FSTL4: variants seen among roughly 807,000 people sequenced by gnomAD.
FSTL4 encodes follistatin like 4.
FSTL4 carries 28 observed loss-of-function variants against 78.2 expected under a neutral mutation model. The ratio of observed to expected loss-of-function variants is 0.36; its 90% CI spans 0.27 to 0.49. The LOEUF (loss-of-function observed/expected upper bound fraction) is 0.49, where lower values mean the gene tolerates loss of function less well. FSTL4 is among the 20% of genes least tolerant of loss of function. The pLI is 0.98. For missense variants in FSTL4, 922 were observed against 1,084.9 expected (o/e 0.85, Z 2.11); for synonymous variants, 422 against 440.5 (o/e 0.96, Z 0.53).
At chr5:133,612,748 G>C (rs140036060), upstream of FSTL4, among the ~76,000 whole-genome samples, 1 of 152,088 alleles carries the variant, frequency 6.6e-6, no homozygotes, top group Non-Finnish European at 1.5e-5. This position sits in a 1 kb window ranked among gnomAD's most constrained non-coding sequence, Gnocchi z 6.2. Flanking sequence ...CCAGCGTAGC[G>C]CTCCTGCCTC....
chr5:133,322,891 C>T lies in FSTL4; in HGVS notation c.410-6239G>A, dbSNP rs146046664. Among the ~76,000 whole-genome samples, 841 of 152,276 alleles carry T rather than the reference C, an allele frequency of 5.5e-3. 13 individuals are homozygous for T. Among genetic ancestry groups the T allele is most frequent in the African/African-American group, 0.02 (816 of 41,544 alleles). The stretch of plus-strand genomic sequence containing the variant: ...GGTTGACTGAGGGAAGCTGGATGGG[C>T]GGCTTTCAGCATCTGCTATGTCCCC... On this transcript the variant is annotated intron_variant, in intron 4 of 15. Transcript: ENST00000265342.
At chr5:133,797,921 G>A in the FSTL4 span, among the ~76,000 whole-genome samples, 3 of 152,126 alleles carry the variant, frequency 2.0e-5, no homozygotes, top group Admixed American at 2.0e-4. Flanking sequence ...AAACAACCTC[G>A]TGGCCCCAGA....
intron 2 of FSTL4, among the ~76,000 whole-genome samples, chr5:133,598,386 T>G (rs895757003): frequency 7.7e-6 from 1 of 129,962 alleles, no homozygotes; most frequent in East Asian, 2.2e-4. Context: ...CACAAGCACA[T>G]TGCATCTCAA....
the FSTL4 span, among the ~76,000 whole-genome samples, chr5:133,673,430 C>T: frequency 6.6e-6 from 1 of 152,170 alleles, no homozygotes; most frequent in African/African-American, 2.4e-5. Context: ...GGCTGTTGCT[C>T]ACTGCCGGAT....
At chr5:133,674,660 G>T in the FSTL4 span, among the ~76,000 whole-genome samples, 1 of 151,910 alleles carries the variant, frequency 6.6e-6, no homozygotes, top group African/African-American at 2.4e-5. Flanking sequence ...GCATGAGAGC[G>T]ACCTTTTTTG....
chr5:133,841,223 G>T, the FSTL4 span, among the ~76,000 whole-genome samples: 1 of 152,150 alleles, frequency 6.6e-6, no homozygotes, highest in East Asian at 1.9e-4. Flanking sequence ...AAGATCAACT[G>T]GCCTGGGAAA....
Position 133,225,078 on chromosome 5 carries a change from A to G in FSTL4, c.1312+72T>C. ...TGGTTGGCAGCTGTGGCCCTGGTCAATTGGTGCCCTCCCTTGCCACCCAAC... is the reference window on the plus strand; with the variant it reads ...TGGTTGGCAGCTGTGGCCCTGGTCAGTTGGTGCCCTCCCTTGCCACCCAAC... On this transcript the variant is annotated intron_variant, in intron 10 of 15. Coordinates refer to ENST00000265342, the MANE Select transcript of FSTL4 (RefSeq NM_015082.2). This position sits in a 1 kb window ranked among gnomAD's most constrained non-coding sequence, Gnocchi z 4.6. The G allele has an allele frequency of 2.5e-6, 4 of 1,570,154 alleles. No homozygotes were observed. The highest frequency in any genetic ancestry group is 3.5e-6 in the Non-Finnish European group (4 of 1,142,782).
rs974631483 is a variant in FSTL4, at chr5:133,531,566, C to T, written c.160+35620G>A. 7.2e-5 allele frequency among the ~76,000 whole-genome samples: 11 copies of T among 152,290 alleles called. No homozygotes were observed. The East Asian group carries it at 1.5e-3, about 21-fold the overall frequency. ...CTAAAAGAACATTTTTCTAAGCAGGCCTCTCAGCTCTGGGGAATGAACAGC... is the reference window on the plus strand; with the variant it reads ...CTAAAAGAACATTTTTCTAAGCAGGTCTCTCAGCTCTGGGGAATGAACAGC... On this transcript the variant is annotated intron_variant, in intron 3 of 15. Transcript: ENST00000265342.
chr5:133,834,238 T>C, the FSTL4 span, among the ~76,000 whole-genome samples: 1 of 152,178 alleles, frequency 6.6e-6, no homozygotes, highest in African/African-American at 2.4e-5. Context: ...ATGGTTTTTC[T>C]AGAGCAATAT....
intron 3 of FSTL4, among the ~76,000 whole-genome samples, chr5:133,472,358 T>C (rs974897456): frequency 1.3e-5 from 2 of 152,006 alleles, no homozygotes; most frequent in Non-Finnish European, 2.9e-5. Context: ...AAAGAGAAAG[T>C]GCAAGCCAAG....
At chr5:133,317,629 A>G (rs1753940827) in intron 4 of FSTL4, among the ~76,000 whole-genome samples, 2 of 152,344 alleles carry the variant, frequency 1.3e-5, no homozygotes, top group African/African-American at 4.8e-5. Flanking sequence ...AGTCAATAGA[A>G]AGAAGTGTTA....
At chr5:133,386,170 C>T (rs752255852) in intron 4 of FSTL4, among the ~76,000 whole-genome samples, 3 of 152,230 alleles carry the variant, frequency 2.0e-5, no homozygotes, top group Non-Finnish European at 4.4e-5. Flanking sequence ...ACAGAATGCT[C>T]AGCCTTGGAC....
the FSTL4 span, among the ~76,000 whole-genome samples, chr5:133,828,365 C>A: frequency 6.6e-6 from 1 of 152,144 alleles, no homozygotes; most frequent in Non-Finnish European, 1.5e-5. Context: ...CAATGCTTCA[C>A]CCTCAGTGAC....
chr5:133,262,907 G>A (rs1435681220), intron 6 of FSTL4, among the ~76,000 whole-genome samples: 2 of 151,868 alleles, frequency 1.3e-5, no homozygotes, highest in South Asian at 2.1e-4. Context: ...GGCTGAGGGT[G>A]TTGGGACAAC....
At chr5:133,485,183 G>A (rs184773857) in intron 3 of FSTL4, among the ~76,000 whole-genome samples, 1 of 152,286 alleles carries the variant, frequency 6.6e-6, no homozygotes, top group Admixed American at 6.5e-5. Flanking sequence ...TCTTTCAATG[G>A]CCACAAAGAG....
At chr5:133,458,069 A>C (rs1561724717) in intron 3 of FSTL4, 1 of 152,226 alleles carries the variant, frequency 6.6e-6, no homozygotes, top group African/African-American at 2.4e-5. Flanking sequence ...CATTCTGCGC[A>C]GTGAACAGTC....
At chr5:133,293,715 G>A (rs548397408) in intron 6 of FSTL4, among the ~76,000 whole-genome samples, 1 of 152,262 alleles carries the variant, frequency 6.6e-6, no homozygotes, top group African/African-American at 2.4e-5. Context: ...CCCAGGAGAC[G>A]GAAGAACCAC....
the FSTL4 span, among the ~76,000 whole-genome samples, chr5:133,682,109 A>G: frequency 2.2e-4 from 33 of 152,130 alleles, no homozygotes; most frequent in African/African-American, 7.0e-4. Context: ...TCTTGGCCCA[A>G]CTGACATCCT....
chr5:133,593,825 C>G (rs554427952), intron 2 of FSTL4, among the ~76,000 whole-genome samples: 121 of 152,220 alleles, frequency 7.9e-4, no homozygotes, highest in Non-Finnish European at 1.4e-3. Flanking sequence ...AGAAAAAGAT[C>G]ATTAACTAAT....
Sources: allele counts gnomAD v4.1 joint callset (sites outside exome capture counted in the v4.1 genomes callset), GRCh38; gene constraint gnomAD v4.1.1; non-coding constraint Gnocchi (gnomAD v3.1); transcripts MANE v1.5; gene names NCBI Gene and HGNC (gene_info 2026-07-23, HGNC 2026-07-21).